TBC1D30: variants seen among roughly 807,000 people sequenced by gnomAD.
TBC1D30 encodes TBC1 domain family, member 30.
In TBC1D30, 31 loss-of-function variants were observed where a neutral mutation model predicts 63.2. That is an observed-to-expected ratio of 0.49 (90% CI 0.37 to 0.66). The LOEUF (loss-of-function observed/expected upper bound fraction) is 0.66, where lower values mean the gene tolerates loss of function less well. Among genes scored for constraint, TBC1D30 ranks in the 30% least tolerant of loss-of-function variants. The pLI is 0.00. For missense variants in TBC1D30, 810 were observed against 953.6 expected (o/e 0.85, Z 1.98); for synonymous variants, 307 against 361.5 (o/e 0.85, Z 1.71).
intron 8 of TBC1D30, among the ~76,000 whole-genome samples, chr12:64,862,869 T>G (rs192034230): frequency 9.1e-4 from 138 of 152,258 alleles, no homozygotes; most frequent in African/African-American, 3.2e-3. Flanking sequence ...ACATTTGATA[T>G]GTGATGGTCA....
chr12:64,856,999 C>T (rs545816981), intron 8 of TBC1D30, among the ~76,000 whole-genome samples: 68 of 152,160 alleles, frequency 4.5e-4, no homozygotes, highest in Middle Eastern at 3.4e-3. Context: ...CAGTGGGCTC[C>T]CCACTGCCCC....
intron 2 of TBC1D30, among the ~76,000 whole-genome samples, chr12:64,788,293 T>G (rs926843428): frequency 6.6e-6 from 1 of 152,064 alleles, no homozygotes; most frequent in Admixed American, 6.6e-5. Flanking sequence ...TAATTCTGAT[T>G]GATTTACACA....
rs1870416812 is a variant in TBC1D30, at chr12:64,759,590, ACC to A, written c.-434_-433del. ...GGAGAACCGGAGAAAAGGGCGGAGA[ACC>A]GGAGAAAAGGGCGGAGAACCGGGAA... On this transcript the variant is annotated 5_prime_UTR_variant, in exon 1 of 14. Transcript: ENST00000674237. The A allele has an allele frequency of 2.7e-5, 11 of 401,762 alleles. No individual in the cohort carries two copies. The East Asian group carries it at 4.8e-4, about 17-fold the overall frequency. 24.9% of individuals were successfully genotyped at this position (401,762 alleles called of 1,614,324 possible).
In TBC1D30 at chr12:64,788,224, T is replaced by A. The variant is rs557589476; in HGVS notation, c.643+2179T>A. 2.6e-3 allele frequency among the ~76,000 whole-genome samples: 399 copies of A among 150,638 alleles called. 2 individuals are homozygous for A. The highest frequency in any genetic ancestry group is 7.9e-3 in the African/African-American group (321 of 40,580). On this transcript the variant is annotated intron_variant, in intron 2 of 12. Transcript: ENST00000542120. ...GTGTGTGTGTGTGTGTGTGTGTGTG[T>A]GATTTGTGTGTAGCTATTGAAAGGT...
In TBC1D30 at chr12:64,878,218, G is replaced by T; in HGVS notation, c.*2430G>T. On this transcript the variant is annotated 3_prime_UTR_variant, in exon 12 of 12. Coordinates refer to ENST00000539867, the MANE Select transcript of TBC1D30 (RefSeq NM_015279.2). ...TGTGTACCAATAACATGCATGCATT[G>T]TACCAAGTAATCACAATGTGAATTG... 1 of 308,004 alleles carries T rather than the reference G, an allele frequency of 3.2e-6. No homozygotes were observed. The highest frequency in any genetic ancestry group is 6.5e-6 in the Non-Finnish European group (1 of 154,288). The allele number at this position is 308,004 out of a possible 1,614,324, so 19.1% of individuals were successfully genotyped here.
chr12:64,775,041 C>T (rs1299080776), intron 1 of TBC1D30, among the ~76,000 whole-genome samples: 8 of 150,928 alleles, frequency 5.3e-5, no homozygotes, highest in African/African-American at 1.5e-4. Context: ...TGCAGTGAGC[C>T]GAGATTGCAC....
chr12:64,835,385 G>A (rs1044755408), intron 5 of TBC1D30, among the ~76,000 whole-genome samples: 1 of 152,040 alleles, frequency 6.6e-6, no homozygotes, highest in African/African-American at 2.4e-5. Context: ...TTTTGTTTTT[G>A]TGGGGCGGGT....
chr12:64,862,814 A>T (rs1877902369), intron 8 of TBC1D30, among the ~76,000 whole-genome samples: 2 of 152,168 alleles, frequency 1.3e-5, no homozygotes, highest in Admixed American at 6.5e-5. Context: ...GGGAGGAAAA[A>T]AAATTACATG....
rs891515431 is a variant in TBC1D30 at position 64,839,579 on chromosome 12, C to T, written c.932+728C>T. On this transcript the variant is annotated intron_variant, in intron 7 of 11. Coordinates refer to ENST00000539867, the MANE Select transcript of TBC1D30 (RefSeq NM_015279.2). The stretch of plus-strand genomic sequence containing the variant: ...GCTATAAATGACGAGTGGGTTCCCA[C>T]AGACAACATGTCACAAAACTAGTAA... Among the ~76,000 whole-genome samples, 5 of 152,218 alleles carry T rather than the reference C, an allele frequency of 3.3e-5. No individual in the cohort carries two copies. The East Asian group carries it at 9.6e-4, about 29-fold the overall frequency.
intron 1 of TBC1D30, among the ~76,000 whole-genome samples, chr12:64,785,572 G>A (rs1871522905): frequency 6.6e-6 from 1 of 151,988 alleles, no homozygotes; most frequent in Admixed American, 6.6e-5. Context: ...ATACATGCCA[G>A]TTTTCAGGCA....
intron 2 of TBC1D30, among the ~76,000 whole-genome samples, chr12:64,793,348 A>G (rs1033880695): frequency 6.6e-6 from 1 of 151,998 alleles, no homozygotes; most frequent in Non-Finnish European, 1.5e-5. Context: ...GACTCAAAAA[A>G]TAAAAAATAA....
intron 8 of TBC1D30, among the ~76,000 whole-genome samples, chr12:64,849,697 C>A (rs568066543): frequency 6.6e-6 from 1 of 152,030 alleles, no homozygotes; most frequent in Non-Finnish European, 1.5e-5. Flanking sequence ...AGTTTGAAGT[C>A]GGGGTAGTGT....
At chr12:64,774,935 A>G (rs760102418) in intron 1 of TBC1D30, among the ~76,000 whole-genome samples, 7 of 152,030 alleles carry the variant, frequency 4.6e-5, no homozygotes, top group Non-Finnish European at 1.0e-4. Flanking sequence ...TCTACTAAAA[A>G]TACAAAAATT....
intron 2 of TBC1D30, among the ~76,000 whole-genome samples, chr12:64,803,287 A>T (rs1872688166): frequency 1.3e-5 from 2 of 152,150 alleles, no homozygotes; most frequent in Non-Finnish European, 2.9e-5. Flanking sequence ...TGGCTGCATA[A>T]ATGTCTTCTT....
rs774426151 is a variant in TBC1D30, at chr12:64,825,010, G to T, written c.131G>T (p.Arg44Leu). The T allele has an allele frequency of 6.5e-7, 1 of 1,533,634 alleles. No homozygotes were observed. Residue 44 changes from arginine (R) to leucine (L), a missense_variant, in exon 1 of 12, where the codon CGG (arginine) becomes CTG (leucine). By Grantham distance (102) the Arg-to-Leu change is moderately radical. This residue lies in a region of TBC1D30 where 272 missense variants were observed against 335.9 expected (regional missense o/e 0.81). Transcript: ENST00000539867. ...AGCTGCATTTCCCGGACCGCGCCCCGGCTGCTGTGCACCCTGGAGCCGGGT... is the reference window on the plus strand; with the variant it reads ...AGCTGCATTTCCCGGACCGCGCCCCTGCTGCTGTGCACCCTGGAGCCGGGT... ...KRSCISRTAP[R>L]LLCTLEPGVD...
rs1878577209 is a variant in TBC1D30, at chr12:64,870,604, C to T, written c.1294C>T (p.Pro432Ser). The T allele has an allele frequency of 2.0e-6, 3 of 1,536,108 alleles. No individual in the cohort carries two copies. The highest frequency in any genetic ancestry group is 1.2e-5 in the South Asian group (1 of 84,064). The change falls in exon 11 of 12, where the codon CCA becomes TCA. Residue 432 changes from proline (P) to serine (S), a missense_variant and splice_region_variant. Physicochemically the swap from Pro to Ser is moderately conservative, Grantham distance 74. Coordinates refer to ENST00000539867, the MANE Select transcript of TBC1D30 (RefSeq NM_015279.2). ...LQKYQKQIKE[P>S]NEEQSLRSNN... Reference sequence around the variant, plus strand: ...TATGTCTCATCCTTCGAGCGCAGAGCCAAATGAGGAGCAGAGTCTGAGATC... The same window carrying T: ...TATGTCTCATCCTTCGAGCGCAGAGTCAAATGAGGAGCAGAGTCTGAGATC...
chr12:64,833,050 T>C (rs1394416085), intron 5 of TBC1D30, among the ~76,000 whole-genome samples: 2 of 152,168 alleles, frequency 1.3e-5, no homozygotes, highest in African/African-American at 4.8e-5. Flanking sequence ...GAAGGGCTCA[T>C]ACAAGGGTGT....
At chr12:64,765,153 A>G (rs1870658980) in intron 1 of TBC1D30, among the ~76,000 whole-genome samples, 1 of 152,180 alleles carries the variant, frequency 6.6e-6, no homozygotes. Flanking sequence ...CGAAACCTAG[A>G]TATTCAACAA....
intron 1 of TBC1D30, among the ~76,000 whole-genome samples, chr12:64,785,288 A>G (rs4964096): frequency 0.092 from 13,904 of 151,786 alleles, 861 homozygotes; most frequent in Middle Eastern, 0.14. Flanking sequence ...AGCTGGGATT[A>G]CAGGCATGTG....
Sources: allele counts gnomAD v4.1 joint callset (sites outside exome capture counted in the v4.1 genomes callset), GRCh38; gene constraint gnomAD v4.1.1; regional missense constraint gnomAD v4.1.1; transcripts MANE v1.5; gene names NCBI Gene and HGNC (gene_info 2026-07-23, HGNC 2026-07-21).